The following OPA3 variants were observed in gnomAD, a reference collection of about 807,000 sequenced individuals.
The protein encoded by OPA3 is outer mitochondrial membrane lipid metabolism regulator OPA3.
Under a neutral mutation model 4.0 loss-of-function variants are expected in OPA3, and 6 were observed. The ratio of observed to expected loss-of-function variants is 1.51; its 90% CI spans 0.83 to 2.99. OPA3 has a LOEUF of 2.99. OPA3 is among the 30% of genes most tolerant of loss of function. The probability of loss-of-function intolerance (pLI) is 0.00; values close to 1 mark genes in which losing one functional copy is unlikely to be tolerated. For synonymous variants in OPA3, 105 were observed against 117.1 expected (o/e 0.90, Z 0.67); for missense variants, 235 against 256.2 (o/e 0.92, Z 0.56).
intron 1 of OPA3, among the ~76,000 whole-genome samples, chr19:45,536,403 C>A (rs1969119057): frequency 6.6e-6 from 1 of 151,884 alleles, no homozygotes; most frequent in African/African-American, 2.4e-5. Flanking sequence ...AAAAAATTAG[C>A]CAGGCATGGT....
Position 45,550,017 on chromosome 19 carries a change from C to T in OPA3, c.*3497G>A, listed in dbSNP as rs1048647700. 4.6e-5 allele frequency: 23 copies of T among 504,498 alleles called. No homozygotes were observed. Among genetic ancestry groups the T allele is most frequent in the Non-Finnish European group, 4.1e-5 (16 of 390,904 alleles). The allele number at this position is 504,498 out of a possible 1,614,324, so 31.3% of individuals were successfully genotyped here. ...CACTAAAATACAAAAATTAGCCAGG[C>T]GTGGGTGGTGGGCACATGTAATCCC... On this transcript the variant is annotated 3_prime_UTR_variant, in exon 2 of 2. Transcript: ENST00000263275.
At chr19:45,557,716 C>A (rs1362309966) in intron 1 of OPA3, among the ~76,000 whole-genome samples, 1 of 152,202 alleles carries the variant, frequency 6.6e-6, no homozygotes, top group Non-Finnish European at 1.5e-5. Flanking sequence ...TCCTCCCTGA[C>A]CTCCTGAATA....
downstream of OPA3, among the ~76,000 whole-genome samples, chr19:45,541,906 A>AC (rs1171075113): frequency 6.6e-6 from 1 of 152,036 alleles, no homozygotes; most frequent in Non-Finnish European, 1.5e-5. Context: ...ATACGAAGAG[A>AC]CCCCTAGGAT....
At chr19:45,569,329 G>T (rs1969627852) in intron 1 of OPA3, among the ~76,000 whole-genome samples, 1 of 152,160 alleles carries the variant, frequency 6.6e-6, no homozygotes, top group South Asian at 2.1e-4. Context: ...CGTGGTGGCG[G>T]GCACCTGTAG....
intron 1 of OPA3, among the ~76,000 whole-genome samples, chr19:45,580,642 A>G (rs762110873): frequency 6.8e-5 from 10 of 148,004 alleles, no homozygotes; most frequent in Non-Finnish European, 1.3e-4. Flanking sequence ...TTATTGAGAC[A>G]GAGTCTCGCT....
rs1599993622 is a variant in OPA3, at chr19:45,573,786, C to T, written c.142+10837G>A. 2.0e-5 allele frequency among the ~76,000 whole-genome samples: 3 copies of T among 152,292 alleles called. No individual in the cohort carries two copies. In the South Asian group the frequency reaches 6.2e-4, roughly 32 times the overall value. ...CAGAGGGACTCATGCAGGACACACA[C>T]CACGTAAACAGCAGGGCAAGGATCT... On this transcript the variant is annotated intron_variant, in intron 1 of 1. Coordinates refer to ENST00000263275, the MANE Select transcript of OPA3 (RefSeq NM_025136.4).
chr19:45,532,006 C>G (rs1048768462), intron 1 of OPA3, among the ~76,000 whole-genome samples: 3 of 152,176 alleles, frequency 2.0e-5, no homozygotes, highest in African/African-American at 7.2e-5. Context: ...TTACATGGGG[C>G]CTTGGGCCAC....
At chr19:45,572,489 G>C (rs1266945849) in intron 1 of OPA3, among the ~76,000 whole-genome samples, 2 of 112,268 alleles carry the variant, frequency 1.8e-5, no homozygotes, top group East Asian at 5.3e-4. Flanking sequence ...CATATATATC[G>C]AGATATATGA....
intron 1 of OPA3, among the ~76,000 whole-genome samples, chr19:45,577,324 G>C (rs1969783970): frequency 6.6e-6 from 1 of 152,208 alleles, no homozygotes; most frequent in South Asian, 2.1e-4. Context: ...TACTGGATTT[G>C]CTGGTCAGCT....
At chr19:45,584,382 T>G (rs945049674) in intron 1 of OPA3, 3 of 985,322 alleles carry the variant, frequency 3.0e-6, no homozygotes, top group Admixed American at 6.1e-5. Flanking sequence ...AGCGCTCTCT[T>G]CCTTTATCGG....
chr19:45,542,172 G>A (rs548752676), downstream of OPA3, among the ~76,000 whole-genome samples: 1 of 152,306 alleles, frequency 6.6e-6, no homozygotes, highest in African/African-American at 2.4e-5. Context: ...TATGAGCCAT[G>A]CTGTGGTCCT....
downstream of OPA3, among the ~76,000 whole-genome samples, chr19:45,544,306 GATGT>G (rs1482043776): frequency 6.6e-6 from 1 of 152,172 alleles, no homozygotes; most frequent in African/African-American, 2.4e-5. Flanking sequence ...ACGTTCAACA[GATGT>G]ATGAATAAAC....
chr19:45,543,269 C>T (rs1969207480), downstream of OPA3, among the ~76,000 whole-genome samples: 1 of 151,434 alleles, frequency 6.6e-6, no homozygotes, highest in Non-Finnish European at 1.5e-5. Context: ...CTTTGGCCTC[C>T]CTAAGTGCTG....
intron 1 of OPA3, among the ~76,000 whole-genome samples, chr19:45,576,536 C>A (rs1008433303): frequency 7.2e-5 from 2 of 27,754 alleles, no homozygotes; most frequent in Middle Eastern, 0.045. Context: ...GAAACTCCAT[C>A]CCCCCCCCCC....
chr19:45,570,629 G>A (rs955192201), intron 1 of OPA3, among the ~76,000 whole-genome samples: 1 of 152,156 alleles, frequency 6.6e-6, no homozygotes, highest in African/African-American at 2.4e-5. Context: ...GGAGGCTGCA[G>A]CGAGCTGAGA....
intron 1 of OPA3, among the ~76,000 whole-genome samples, chr19:45,558,206 C>G (rs1969449432): frequency 6.6e-6 from 1 of 151,992 alleles, no homozygotes; most frequent in South Asian, 2.1e-4. Flanking sequence ...GTGGGAGGCC[C>G]CTGTAATCCC....
Position 45,528,846 on chromosome 19 carries a change from C to T in OPA3, c.*210G>A, listed in dbSNP as rs575339012. ...GGTCCTTCTTGGAACGTTCCACCTG[C>T]AGGAGGCGGAGAGTCCCAGTGGAAG... On this transcript the variant is annotated 3_prime_UTR_variant, in exon 2 of 2. Transcript: ENST00000323060. 1.7e-4 allele frequency: 94 copies of T among 563,152 alleles called. 1 individual carries two copies. The highest frequency in any genetic ancestry group is 1.7e-3 in the African/African-American group (86 of 51,760). 34.9% of individuals were successfully genotyped at this position (563,152 alleles called of 1,614,324 possible).
chr19:45,576,060 C>T (rs1282847191), intron 1 of OPA3, among the ~76,000 whole-genome samples: 1 of 151,442 alleles, frequency 6.6e-6, no homozygotes, highest in Non-Finnish European at 1.5e-5. Flanking sequence ...TGGTGAAACC[C>T]CCGTCTCTAC....
Position 45,550,303 on chromosome 19 carries a change from G to C in OPA3, c.*3211C>G. 1.0e-6 allele frequency: 1 copy of C among 985,524 alleles called. No homozygotes were observed. The allele number at this position is 985,524 out of a possible 1,614,324, so 61.0% of individuals were successfully genotyped here. ...TGAGGATGGAAGTCGGGGAAAGCCC[G>C]GCCCTCCCACTTTCACCTGCAGCTT... On this transcript the variant is annotated 3_prime_UTR_variant, in exon 2 of 2. Coordinates refer to ENST00000263275, the MANE Select transcript of OPA3 (RefSeq NM_025136.4).
Sources: allele counts gnomAD v4.1 joint callset (sites outside exome capture counted in the v4.1 genomes callset), GRCh38; gene constraint gnomAD v4.1.1; transcripts MANE v1.5; gene names NCBI Gene and HGNC (gene_info 2026-07-23, HGNC 2026-07-21).